The following KCNE2 variants were observed in gnomAD, a reference collection of about 807,000 sequenced individuals.
The protein encoded by KCNE2 is potassium voltage-gated channel subfamily E member 2.
KCNE2 carries 4 observed loss-of-function variants against 4.5 expected under a neutral mutation model. The observed-to-expected ratio is 0.89, with a 90% confidence interval of 0.44 to 2.03. The LOEUF is 2.03. KCNE2 is among the 30% of genes most tolerant of loss of function. The pLI is 0.03. For missense variants in KCNE2, 137 were observed against 151.4 expected (o/e 0.90, Z 0.50); for synonymous variants, 57 against 55.9 (o/e 1.02, Z -0.09).
chr21:34,370,514 A>C lies in KCNE2; in HGVS notation c.36A>C (p.Glu12Asp), dbSNP rs754523450. 8 of 1,614,196 alleles carry C rather than the reference A, an allele frequency of 5.0e-6. No homozygotes were observed. Among genetic ancestry groups the C allele is most frequent in the African/African-American group, 1.3e-5 (1 of 75,048 alleles). ...TATCCAATTTCACACAGACGCTGGA[A>C]GACGTCTTCCGAAGGATTTTTATTA... is the stretch of plus-strand genomic sequence containing the variant. The part of the protein sequence containing the change: ...STLSNFTQTL[E>D]DVFRRIFITY... Residue 12 changes from glutamate (E) to aspartate (D), a missense_variant, in exon 2 of 2, where the codon GAA becomes GAC. Glu to Asp is a conservative substitution (Grantham distance 45, BLOSUM62 2). Transcript: ENST00000290310.
In KCNE2 at chr21:34,371,009, A is replaced by G; in HGVS notation, c.*159A>G. 1 of 865,412 alleles carries G rather than the reference A, an allele frequency of 1.2e-6. No individual in the cohort carries two copies. The highest frequency in any genetic ancestry group is 1.9e-6 in the Non-Finnish European group (1 of 540,474). 53.6% of individuals were successfully genotyped at this position (865,412 alleles called of 1,614,324 possible). A position where few individuals can be genotyped will look rare whatever the true frequency, so the allele number is the denominator to read the frequency against. On this transcript the variant is annotated 3_prime_UTR_variant, in exon 2 of 2. Transcript: ENST00000290310. ...TTATGTGGTTGGCCAATAAAGATAG[A>G]TGACATTTCAATCTCAGTGATTTAT...
Position 34,370,844 on chromosome 21 carries a change from C to A in KCNE2, c.366C>A (p.Ser122=), listed in dbSNP as rs1979561027. 3 of 1,613,740 alleles carry A rather than the reference C, an allele frequency of 1.9e-6. No homozygotes were observed. Among genetic ancestry groups the A allele is most frequent in the Non-Finnish European group, 2.5e-6 (3 of 1,180,032 alleles). ...ENIGAAGFKM[S]P is the part of the protein sequence containing the mutation. Reference sequence around the variant, plus strand: ...TTGGTGCGGCTGGGTTCAAAATGTCCCCCTGATAAGGGAGAAAGGCACCAA... The same window carrying A: ...TTGGTGCGGCTGGGTTCAAAATGTCACCCTGATAAGGGAGAAAGGCACCAA... The change falls in exon 2 of 2, where the codon TCC becomes TCA. Residue 122 remains serine, a synonymous_variant. Transcript: ENST00000290310.
intron 1 of KCNE2, among the ~76,000 whole-genome samples, chr21:34,368,228 CAATATATA>C (rs1486434855): frequency 1.9e-5 from 1 of 51,362 alleles, no homozygotes; most frequent in Non-Finnish European, 3.5e-5. Flanking sequence ...CACACACACA[CAATATATA>C]TATATATATA....
At chr21:34,366,045 G>A (rs948135545) in intron 1 of KCNE2, among the ~76,000 whole-genome samples, 2 of 152,282 alleles carry the variant, frequency 1.3e-5, no homozygotes, top group Admixed American at 6.5e-5. Flanking sequence ...CCTCCTGACC[G>A]GCTTAGCAGT....
chr21:34,370,800 G>A lies in KCNE2; in HGVS notation c.322G>A (p.Ala108Thr). 6.2e-7 allele frequency: 1 copy of A among 1,614,186 alleles called. No individual in the cohort carries two copies. The highest frequency in any genetic ancestry group is 1.1e-5 in the South Asian group (1 of 91,082). Reference protein sequence around the residue: ...SQILNLEESKATIHENIGAAG... With the variant: ...SQILNLEESKTTIHENIGAAG... ...AATCTTGAATCTAGAAGAATCGAAG[G>A]CCACCATCCATGAGAACATTGGTGC... The change falls in exon 2 of 2, where the codon GCC (alanine) becomes ACC (threonine). Residue 108 changes from alanine (A) to threonine (T), a missense_variant. Physicochemically the swap from Ala to Thr is moderately conservative, Grantham distance 58. Transcript: ENST00000290310.
intron 1 of KCNE2, among the ~76,000 whole-genome samples, chr21:34,368,229 A>ATAT (rs781775671): frequency 1.3e-3 from 113 of 84,770 alleles, no homozygotes; most frequent in Admixed American, 4.6e-3. Flanking sequence ...ACACACACAC[A>ATAT]ATATATATAT....
At position 34,371,006 on chromosome 21, in the gene KCNE2, T is replaced by C. The variant is rs1603063620; in HGVS notation, c.*156T>C. On this transcript the variant is annotated 3_prime_UTR_variant, in exon 2 of 2. Transcript: ENST00000290310. ...AGATTATGTGGTTGGCCAATAAAGA[T>C]AGATGACATTTCAATCTCAGTGATT... 5 of 879,182 alleles carry C rather than the reference T, an allele frequency of 5.7e-6. No homozygotes were observed. Among genetic ancestry groups the C allele is most frequent in the African/African-American group, 1.7e-5 (1 of 59,420 alleles). The allele number at this position is 879,182 out of a possible 1,614,324, so 54.5% of individuals were successfully genotyped here. A position where few individuals can be genotyped will look rare whatever the true frequency, so the allele number is the denominator to read the frequency against.
At position 34,370,670 on chromosome 21, in the gene KCNE2, C is replaced by T. The variant is rs767142542; in HGVS notation, c.192C>T (p.Ile64=). 7.4e-6 allele frequency: 12 copies of T among 1,614,064 alleles called. No homozygotes were observed. The highest frequency in any genetic ancestry group is 5.5e-5 in the South Asian group (5 of 91,078). Residue 64 remains isoleucine, a synonymous_variant, in exon 2 of 2, where the codon ATC becomes ATT. Transcript: ENST00000290310. ...MVMIGMFSFI[I]VAILVSTVKS... ...TGATTGGAATGTTCTCTTTCATCAT[C>T]GTGGCCATCCTGGTGAGCACTGTGA...
At chr21:34,364,783 AAAAG>A (rs1979223977) in intron 1 of KCNE2, among the ~76,000 whole-genome samples, 1 of 151,886 alleles carries the variant, frequency 6.6e-6, no homozygotes, top group Admixed American at 6.6e-5. Flanking sequence ...AAAAAAAAAA[AAAAG>A]AAAGAAAAGA....
At chr21:34,368,197 TCACACACACACA>T (rs534677357) in intron 1 of KCNE2, among the ~76,000 whole-genome samples, 3 of 93,256 alleles carry the variant, frequency 3.2e-5, no homozygotes, top group African/African-American at 1.5e-4. Flanking sequence ...AAACCAATAA[TCACACACACACA>T]CACACACACA....
At chr21:34,365,066 A>G (rs1979236099) in intron 1 of KCNE2, among the ~76,000 whole-genome samples, 1 of 152,212 alleles carries the variant, frequency 6.6e-6, no homozygotes, top group Admixed American at 6.5e-5. Context: ...AGTGCTGGAC[A>G]CTGGCTTGGG....
rs970713725 is a variant in KCNE2 at position 34,369,730 on chromosome 21, CAT to C, written c.-12-735_-12-734del. On this transcript the variant is annotated intron_variant, in intron 1 of 1. Coordinates refer to ENST00000290310, the MANE Select transcript of KCNE2 (RefSeq NM_172201.2). Reference sequence around the variant, plus strand: ...ATGAAAAGGAGAGATGGATTTGAAACATAGGAATAATCTCTCAGATTGTTTCT... The same window carrying C: ...ATGAAAAGGAGAGATGGATTTGAAACAGGAATAATCTCTCAGATTGTTTCT... Among the ~76,000 whole-genome samples, 46 of 152,164 alleles carry C rather than the reference CAT, an allele frequency of 3.0e-4. 1 individual carries two copies. Among genetic ancestry groups the C allele is most frequent in the Non-Finnish European group, 1.5e-5 (1 of 68,016 alleles).
At chr21:34,368,467 G>A (rs528391842) in intron 1 of KCNE2, among the ~76,000 whole-genome samples, 95 of 151,568 alleles carry the variant, frequency 6.3e-4, no homozygotes, top group African/African-American at 2.1e-3. Context: ...AGGCGTAGTG[G>A]CGGTTGCCTG....
chr21:34,370,823 T>C lies in KCNE2; in HGVS notation c.345T>C (p.Gly115=). The C allele has an allele frequency of 1.2e-6, 2 of 1,614,088 alleles. No homozygotes were observed. The highest frequency in any genetic ancestry group is 1.7e-6 in the Non-Finnish European group (2 of 1,180,026). ...AGGCCACCATCCATGAGAACATTGG[T>C]GCGGCTGGGTTCAAAATGTCCCCCT... ...ESKATIHENI[G]AAGFKMSP Residue 115 remains glycine (G), a synonymous_variant, in exon 2 of 2, where the codon GGT becomes GGC. Transcript: ENST00000290310.
chr21:34,369,529 G>A (rs1244567535), intron 1 of KCNE2, among the ~76,000 whole-genome samples: 5 of 151,988 alleles, frequency 3.3e-5, no homozygotes, highest in Non-Finnish European at 7.4e-5. Context: ...CAGCCTGGAC[G>A]ACAGAGCAAG....
chr21:34,365,992 T>C (rs1237522637), intron 1 of KCNE2, among the ~76,000 whole-genome samples: 1 of 152,210 alleles, frequency 6.6e-6, no homozygotes, highest in African/African-American at 2.4e-5. Flanking sequence ...ATTTAATCCC[T>C]ATAGGCCCTT....
At chr21:34,369,293 T>C (rs902441031) in intron 1 of KCNE2, among the ~76,000 whole-genome samples, 1 of 152,166 alleles carries the variant, frequency 6.6e-6, no homozygotes, top group Non-Finnish European at 1.5e-5. Context: ...CTGACACATG[T>C]AATCCCAGCA....
rs182352482 is a variant in KCNE2 at position 34,370,272 on chromosome 21, T to A, written c.-12-195T>A. Among the ~76,000 whole-genome samples the A allele has an allele frequency of 2.0e-3, 307 of 152,306 alleles. 1 individual carries two copies. The highest frequency in any genetic ancestry group is 3.4e-3 in the Middle Eastern group (1 of 294). ...TTAAATTTTTACTGTGTAACAATCA[T>A]GGATTGTAAAAAAAGTGAATAAAAT... On this transcript the variant is annotated intron_variant, in intron 1 of 1. Transcript: ENST00000290310.
At position 34,370,556 on chromosome 21, in the gene KCNE2, G is replaced by A; in HGVS notation, c.78G>A (p.Trp26Ter). 9 of 1,614,172 alleles carry A rather than the reference G, an allele frequency of 5.6e-6. No homozygotes were observed. The highest frequency in any genetic ancestry group is 1.6e-4 in the Middle Eastern group (1 of 6,062). The part of the protein sequence containing the change: ...RRIFITYMDN[W>*]RQNTTAEQEA... ...TTTTTATTACTTATATGGACAATTGGCGCCAGAACACAACAGCTGAGCAAG... is the reference window on the plus strand; with the variant it reads ...TTTTTATTACTTATATGGACAATTGACGCCAGAACACAACAGCTGAGCAAG... Residue 26 changes from tryptophan to a stop codon, truncating the protein, a stop_gained, in exon 2 of 2, where the codon TGG (tryptophan) becomes TGA (stop). Transcript: ENST00000290310. LOFTEE classifies it high-confidence loss of function.
Sources: allele counts gnomAD v4.1 joint callset (sites outside exome capture counted in the v4.1 genomes callset), GRCh38; gene constraint gnomAD v4.1.1; transcripts MANE v1.5; gene names NCBI Gene and HGNC (gene_info 2026-07-23, HGNC 2026-07-21).